Variants in JAKMIP3 observed in about 807,000 individuals in gnomAD.
JAKMIP3 encodes janus kinase and microtubule-interacting protein 3.
JAKMIP3 carries 58 observed loss-of-function variants against 118.5 expected under a neutral mutation model. The observed-to-expected ratio is 0.49, with a 90% CI of 0.40 to 0.61. The LOEUF (loss-of-function observed/expected upper bound fraction) is 0.61. JAKMIP3 is among the 20% of genes least tolerant of loss of function. The probability of loss-of-function intolerance (pLI) is 0.00; values close to 1 mark genes in which losing one functional copy is unlikely to be tolerated. For synonymous variants in JAKMIP3, 486 were observed against 451.2 expected, an observed-to-expected ratio of 1.08 and a Z score of -0.98; for missense variants, 950 against 1,109.0, an observed-to-expected ratio of 0.86 and a Z score of 2.04.
chr10:132,103,400 AC>A (rs1006018798), intron 1 of JAKMIP3, among the ~76,000 whole-genome samples: 8 of 123,844 alleles, frequency 6.5e-5, no homozygotes, highest in Non-Finnish European at 1.3e-4. Context: ...GGGGAGGAGC[AC>A]CTGGGGGAGA....
At chr10:132,170,987 G>A (rs929832522) in intron 23 of JAKMIP3, among the ~76,000 whole-genome samples, 3 of 152,250 alleles carry the variant, frequency 2.0e-5, no homozygotes, top group African/African-American at 7.2e-5. Flanking sequence ...GTGGAGGGCT[G>A]TCACCCAACC....
intron 1 of JAKMIP3, among the ~76,000 whole-genome samples, chr10:132,047,582 C>G (rs1441502202): frequency 6.6e-6 from 1 of 152,256 alleles, no homozygotes; most frequent in Non-Finnish European, 1.5e-5. Flanking sequence ...CACACCTGTC[C>G]TAATCCCACA....
At chr10:132,106,643 G>A (rs900454093) in intron 2 of JAKMIP3, among the ~76,000 whole-genome samples, 3 of 152,308 alleles carry the variant, frequency 2.0e-5, no homozygotes, top group South Asian at 4.1e-4. Flanking sequence ...TGTGCCAGGC[G>A]CCCATAAATC....
intron 1 of JAKMIP3, among the ~76,000 whole-genome samples, chr10:132,082,992 T>G (rs1291625289): frequency 6.6e-6 from 1 of 152,272 alleles, no homozygotes; most frequent in Non-Finnish European, 1.5e-5. Context: ...TGTGCTGCTA[T>G]AAACGTGCAT....
chr10:132,173,995 CTG>C (rs1310310369), intron 23 of JAKMIP3, among the ~76,000 whole-genome samples: 1 of 141,996 alleles, frequency 7.0e-6, no homozygotes, highest in South Asian at 2.3e-4. Context: ...TGTGGTGTGT[CTG>C]TGGTAGTGTG....
chr10:132,126,233 C>T (rs1200708518), intron 3 of JAKMIP3, among the ~76,000 whole-genome samples: 2 of 151,828 alleles, frequency 1.3e-5, no homozygotes, highest in African/African-American at 2.4e-5. Flanking sequence ...TTCATTTCAC[C>T]GACTGTGATG....
chr10:132,122,174 C>T (rs529815398), intron 3 of JAKMIP3, among the ~76,000 whole-genome samples: 1 of 152,356 alleles, frequency 6.6e-6, no homozygotes, highest in Non-Finnish European at 1.5e-5. Context: ...GAGGCCTCCC[C>T]AGCCCCCCTG....
At chr10:132,058,631 T>C (rs574291808) in intron 1 of JAKMIP3, among the ~76,000 whole-genome samples, 2 of 152,326 alleles carry the variant, frequency 1.3e-5, no homozygotes, top group Admixed American at 6.5e-5. Context: ...AGTATTTTCA[T>C]GTGTCATTCT....
At chr10:132,075,332 C>T (rs752846839) in intron 1 of JAKMIP3, among the ~76,000 whole-genome samples, 1 of 149,312 alleles carries the variant, frequency 6.7e-6, no homozygotes, top group Non-Finnish European at 1.5e-5. Flanking sequence ...TTTTCACAGT[C>T]CTTCTTGAAG....
In JAKMIP3 at chr10:132,137,133, A is replaced by G; in HGVS notation, c.1231A>G (p.Ile411Val). 1 of 1,613,928 alleles carries G rather than the reference A, an allele frequency of 6.2e-7. No homozygotes were observed. Among genetic ancestry groups the G allele is most frequent in the Non-Finnish European group, 8.5e-7 (1 of 1,179,874 alleles). ...KLQIVEQQNL[I>V]DELSKTLETA... Reference sequence around the variant, plus strand: ...TCAGATTGTGGAGCAGCAAAACCTCATAGATGAACTGTCTAAGGTACCCGG... The same window carrying G: ...TCAGATTGTGGAGCAGCAAAACCTCGTAGATGAACTGTCTAAGGTACCCGG... The change falls in exon 7 of 24, where the codon ATA (isoleucine) becomes GTA (valine). Residue 411 changes from isoleucine to valine, a missense_variant. Transcript: ENST00000684848.
At chr10:132,092,683 A>G (rs2043250317) in intron 1 of JAKMIP3, among the ~76,000 whole-genome samples, 1 of 151,990 alleles carries the variant, frequency 6.6e-6, no homozygotes, top group Non-Finnish European at 1.5e-5. Context: ...CTTTTTTTCA[A>G]GGTTTTTAGC....
chr10:132,071,876 C>CTTTCTTTCCTTTCTTTCT (rs202017307), intron 1 of JAKMIP3, among the ~76,000 whole-genome samples: 7 of 41,844 alleles, frequency 1.7e-4, no homozygotes, highest in Admixed American at 7.4e-4. Context: ...TCTTTCTTTC[C>CTTTCTTTCCTTTCTTTCT]TTCCTTTCTT....
At chr10:132,100,064 C>T (rs2044583250) in intron 1 of JAKMIP3, among the ~76,000 whole-genome samples, 1 of 152,192 alleles carries the variant, frequency 6.6e-6, no homozygotes, top group Non-Finnish European at 1.5e-5. Flanking sequence ...CTTGCACCCA[C>T]CCTGGCTCCT....
At chr10:132,102,602 C>T (rs749682676) in intron 1 of JAKMIP3, among the ~76,000 whole-genome samples, 15 of 152,232 alleles carry the variant, frequency 9.9e-5, no homozygotes, top group Non-Finnish European at 1.9e-4. Context: ...GCAGGCTCCT[C>T]GTGGTTCCTG....
chr10:132,135,912 T>C lies in JAKMIP3; in HGVS notation c.970-18T>C. ...CTCCGTCACTTAAAGAACAATCACA[T>C]AGTGCGTTGTCTTTCAGTTGAAGCG... is the stretch of plus-strand genomic sequence containing the variant. On this transcript the variant is annotated intron_variant, in intron 5 of 23. Transcript: ENST00000684848. 2.5e-6 allele frequency: 4 copies of C among 1,606,682 alleles called. No homozygotes were observed. The highest frequency in any genetic ancestry group is 3.4e-6 in the Non-Finnish European group (4 of 1,176,966).
chr10:132,077,432 G>A (rs1368910175), intron 1 of JAKMIP3, among the ~76,000 whole-genome samples: 1 of 152,164 alleles, frequency 6.6e-6, no homozygotes, highest in Non-Finnish European at 1.5e-5. Context: ...GCCACAGGGG[G>A]CCCGAAGAGT....
At chr10:132,042,226 C>CTTCCTTCCTTCCTTCCTTCCTTCCT (rs1564848173) in intron 1 of JAKMIP3, among the ~76,000 whole-genome samples, 1 of 146,810 alleles carries the variant, frequency 6.8e-6, no homozygotes, top group African/African-American at 2.5e-5. Flanking sequence ...TTCTTTCCTC[C>CTTCCTTCCTTCCTTCCTTCCTTCCT]TCCTCCTTTC....
rs1261747925 is a variant in JAKMIP3, at chr10:132,162,093, A to AGCACC, written c.2221-1114_2221-1110dup. On this transcript the variant is annotated intron_variant, in intron 19 of 23. Coordinates refer to ENST00000684848, the MANE Select transcript of JAKMIP3 (RefSeq NM_001323087.2). ...CCCTCAGGTGACCCACAGGCCTGTGAGCACCGAGGTTTTTTTCTGCACTTC... is the reference window on the plus strand; with the variant it reads ...CCCTCAGGTGACCCACAGGCCTGTGAGCACCGCACCGAGGTTTTTTTCTGCACTTC... 1.6e-5 allele frequency among the ~76,000 whole-genome samples: 2 copies of AGCACC among 121,716 alleles called. 1 individual carries two copies. Among genetic ancestry groups the AGCACC allele is most frequent in the Admixed American group, 1.6e-4 (2 of 12,680 alleles). 79.9% of individuals were successfully genotyped at this position (121,716 alleles called of 152,430 possible). A position where few individuals can be genotyped will look rare whatever the true frequency, so the allele number is the denominator to read the frequency against.
At chr10:132,144,423 C>A in intron 11 of JAKMIP3, 1 of 152,798 alleles carries the variant, frequency 6.5e-6, no homozygotes, top group Non-Finnish European at 1.5e-5. Context: ...GCGGCACCAC[C>A]CGGGGCTTCC....
Sources: gnomAD v4.1 joint callset for allele counts (sites outside exome capture counted in the v4.1 genomes callset) on GRCh38, gnomAD v4.1.1 for gene constraint, MANE v1.5 for transcripts, NCBI Gene and HGNC (gene_info 2026-07-23, HGNC 2026-07-21) for gene names.